The following DST variants were observed in gnomAD, a reference collection of about 807,000 sequenced individuals.
DST encodes the protein bullous pemphigoid antigen.
Under a neutral mutation model 875.2 loss-of-function variants are expected in DST, and 253 were observed. The ratio of observed to expected loss-of-function variants is 0.29; its 90% CI spans 0.26 to 0.32. DST has a LOEUF of 0.32. DST is among the 10% of genes least tolerant of loss of function. DST has a pLI of 1.00. For missense variants in DST, 8,287 were observed against 9,111.6 expected (o/e 0.91, Z 3.68); for synonymous variants, 3,124 against 3,197.1 (o/e 0.98, Z 0.77).
intron 49 of DST, among the ~76,000 whole-genome samples, chr6:56,583,106 T>C (rs1355064993): frequency 6.6e-6 from 1 of 152,254 alleles, no homozygotes; most frequent in Non-Finnish European, 1.5e-5. Flanking sequence ...TTTGGGTATA[T>C]ACCCAGTAAT....
intron 4 of DST, among the ~76,000 whole-genome samples, chr6:56,752,285 C>T (rs762374128): frequency 2.0e-5 from 3 of 151,476 alleles, no homozygotes; most frequent in Non-Finnish European, 2.9e-5. Flanking sequence ...AGTGCTATGA[C>T]AGAACTATGC....
intron 4 of DST, among the ~76,000 whole-genome samples, chr6:56,774,126 A>AAAAC (rs2099673124): frequency 6.6e-6 from 1 of 151,934 alleles, no homozygotes; most frequent in African/African-American, 2.4e-5. Flanking sequence ...AAAAAAAAAA[A>AAAAC]AAAAAAGAAT....
At chr6:56,785,478 A>T (rs887364614) in intron 4 of DST, among the ~76,000 whole-genome samples, 1 of 151,946 alleles carries the variant, frequency 6.6e-6, no homozygotes, top group African/African-American at 2.4e-5. Flanking sequence ...CTGTGCTAGC[A>T]ATCAGTGAGA....
chr6:56,904,160 T>C (rs1047360669), intron 2 of DST, among the ~76,000 whole-genome samples: 1 of 152,216 alleles, frequency 6.6e-6, no homozygotes, highest in Admixed American at 6.5e-5. Context: ...GTGAATAAAA[T>C]ATAGTCTTGA....
At chr6:56,674,682 T>TA (rs889858115) in intron 9 of DST, among the ~76,000 whole-genome samples, 2 of 151,654 alleles carry the variant, frequency 1.3e-5, no homozygotes, top group African/African-American at 4.8e-5. Flanking sequence ...AACAATAGCT[T>TA]AAAAAAAAGA....
In DST at chr6:56,603,298, A is replaced by T. The variant is rs1305159643; in HGVS notation, c.11064T>A (p.Ile3688=). 1.9e-6 allele frequency: 3 copies of T among 1,610,854 alleles called. No homozygotes were observed. Among genetic ancestry groups the T allele is most frequent in the Non-Finnish European group, 2.5e-6 (3 of 1,178,954 alleles). Residue 3688 remains isoleucine (I), a synonymous_variant, in exon 42 of 104, where the codon ATT becomes ATA. Transcript: ENST00000680361. ...FPRGHVEELS[I]SHQSLKTAFS... is the part of the protein sequence containing the mutation. ...AGGCGGTCTTCAAACTCTGGTGGCT[A>T]ATACTCAATTCTTCAACATGGCCTC... is the stretch of plus-strand genomic sequence containing the variant.
chr6:56,506,494 G>C lies in DST; in HGVS notation c.19413C>G (p.Asp6471Glu), dbSNP rs1360943570. ...CAGCCTGCATTGCCTCCTCAAGTTT[G>C]TCAATCCGGTCTTTCCAAGCTTTAT... ...SLNKAWKDRI[D>E]KLEEAMQAAV... Residue 6471 changes from aspartate to glutamate, a missense_variant, in exon 77 of 104, where the codon GAC becomes GAG. Physicochemically the swap from Asp to Glu is conservative, Grantham distance 45. Coordinates refer to ENST00000680361, the MANE Select transcript of DST (RefSeq NM_001374736.1). 1 of 1,613,170 alleles carries C rather than the reference G, an allele frequency of 6.2e-7. No individual in the cohort carries two copies. The highest frequency in any genetic ancestry group is 1.1e-5 in the South Asian group (1 of 90,940).
At chr6:56,843,683 C>G (rs1290220492) in intron 4 of DST, 20 of 974,312 alleles carry the variant, frequency 2.1e-5, no homozygotes, top group Non-Finnish European at 2.3e-5. Flanking sequence ...GACACTCGCC[C>G]GCGCCGGGGA....
chr6:56,879,263 T>A (rs1285288729), intron 3 of DST, among the ~76,000 whole-genome samples: 14 of 151,994 alleles, frequency 9.2e-5, no homozygotes, highest in Admixed American at 9.2e-4. Context: ...GGTCAGGAGA[T>A]CGAGACCATC....
intron 4 of DST, among the ~76,000 whole-genome samples, chr6:56,752,769 A>G (rs2099591305): frequency 6.6e-6 from 1 of 152,144 alleles, no homozygotes; most frequent in Non-Finnish European, 1.5e-5. Context: ...TTGTATTACT[A>G]TAAACAAGAT....
Position 56,606,034 on chromosome 6 carries a change from C to A in DST, c.8594G>T (p.Ser2865Ile), listed in dbSNP as rs1286785188. The change falls in exon 40 of 104, where the codon AGT (serine) becomes ATT (isoleucine). Residue 2865 changes from serine (S) to isoleucine (I), a missense_variant. By Grantham distance (142) the Ser-to-Ile change is moderately radical. This residue lies in a region of DST where 3,138 missense variants were observed against 3,116.6 expected (regional missense o/e 1.01). Coordinates refer to ENST00000680361, the MANE Select transcript of DST (RefSeq NM_001374736.1). ...TTGCTGTTTTTCTAAAGAGCTACAA[C>A]TGTGCATTTTATCCAGAAGAATCAT... ...NTMILLDKMHSCSSLEKQQRV... is the reference protein window; with the variant it reads ...NTMILLDKMHICSSLEKQQRV... The A allele has an allele frequency of 2.5e-6, 4 of 1,612,792 alleles. No individual in the cohort carries two copies. The African/African-American group carries it at 5.3e-5, about 22-fold the overall frequency.
At chr6:56,764,361 T>C (rs1305938384) in intron 4 of DST, among the ~76,000 whole-genome samples, 2 of 152,178 alleles carry the variant, frequency 1.3e-5, no homozygotes, top group African/African-American at 4.8e-5. Flanking sequence ...AGCCTTTTCT[T>C]TCACTTTCTT....
chr6:56,469,754 A>G, intron 97 of DST, 129 bp downstream of exon 97: 1 of 750,518 alleles, frequency 1.3e-6, no homozygotes, highest in South Asian at 1.7e-5. Context: ...AGTTTCATAT[A>G]CCATTAAATT....
Position 56,561,352 on chromosome 6 carries a change from G to T in DST, c.14266C>A (p.Pro4756Thr), listed in dbSNP as rs751065169. 2 of 1,613,640 alleles carry T rather than the reference G, an allele frequency of 1.2e-6. No individual in the cohort carries two copies. The highest frequency in any genetic ancestry group is 4.5e-5 in the East Asian group (2 of 44,862). ...TATKWQQTPA[P>T]TDTEAVKTQV... ...GTCTTCACAGCTTCAGTATCTGTAGGTGCAGGTGTCTGCTGCCATTTTGTT... is the reference window on the plus strand; with the variant it reads ...GTCTTCACAGCTTCAGTATCTGTAGTTGCAGGTGTCTGCTGCCATTTTGTT... Residue 4756 changes from proline (P) to threonine (T), a missense_variant, in exon 57 of 104, where the codon CCT (proline) becomes ACT (threonine). Physicochemically the swap from Pro to Thr is conservative, Grantham distance 38. Around this residue, in one of 10 missense-constraint regions of DST, gnomAD observed 1,513 missense variants for 1,677.8 expected, o/e 0.90. Transcript: ENST00000680361.
chr6:56,895,105 C>T (rs1177742657), intron 3 of DST, among the ~76,000 whole-genome samples: 1 of 88,642 alleles, frequency 1.1e-5, no homozygotes, highest in Admixed American at 9.3e-5. Flanking sequence ...TAGGGGCGGC[C>T]GGGCAGAGGA....
chr6:56,809,970 T>C (rs75679275), intron 4 of DST, among the ~76,000 whole-genome samples: 9,675 of 152,244 alleles, frequency 0.064, 911 homozygotes, highest in African/African-American at 0.21. Context: ...TGTTGGCCTA[T>C]AGAAAATAAA....
In DST at chr6:56,835,078, G is replaced by T. The variant is rs181831208; in HGVS notation, c.625+16319C>A. On this transcript the variant is annotated intron_variant, in intron 4 of 103. Coordinates refer to ENST00000680361, the MANE Select transcript of DST (RefSeq NM_001374736.1). ...TTTAAATGCATATTGCTAAGTAAAA[G>T]AAGCTAGTCAGAAAAGTCTATATAC... Among the ~76,000 whole-genome samples the T allele has an allele frequency of 2.4e-4, 37 of 152,284 alleles. No homozygotes were observed. In the East Asian group the frequency reaches 6.4e-3, roughly 26 times the overall value.
At chr6:56,759,488 C>T (rs1472279914) in intron 4 of DST, among the ~76,000 whole-genome samples, 1 of 152,100 alleles carries the variant, frequency 6.6e-6, no homozygotes, top group Non-Finnish European at 1.5e-5. Flanking sequence ...CCACAAGTAG[C>T]AAAAACGTCT....
intron 10 of DST, among the ~76,000 whole-genome samples, chr6:56,668,809 C>T (rs1338307950): frequency 6.6e-6 from 1 of 151,304 alleles, no homozygotes; most frequent in African/African-American, 2.4e-5. Context: ...AAAATAGGGG[C>T]TCCTGAGTGT....
Sources: gnomAD v4.1 joint callset for allele counts (sites outside exome capture counted in the v4.1 genomes callset) on GRCh38, gnomAD v4.1.1 for gene constraint, gnomAD v4.1.1 regional missense constraint, MANE v1.5 for transcripts, NCBI Gene and HGNC (gene_info 2026-07-23, HGNC 2026-07-21) for gene names.